The following LINGO2 variants were observed in gnomAD, a reference collection of about 807,000 sequenced individuals.
LINGO2 encodes the protein leucine rich repeat and Ig domain containing 2, also known as leucine-rich repeat and immunoglobulin-like domain-containing nogo receptor-interacting protein 2.
Under a neutral mutation model 30.6 loss-of-function variants are expected in LINGO2, and 14 were observed. The ratio of observed to expected loss-of-function variants is 0.46; its 90% CI spans 0.30 to 0.72. The LOEUF is 0.72. Among genes scored for constraint, LINGO2 ranks in the 30% least tolerant of loss-of-function variants. LINGO2 has a pLI of 0.07. For synonymous variants in LINGO2, 317 were observed against 288.5 expected, an observed-to-expected ratio of 1.10 and a Z score of -1.00; for missense variants, 729 against 751.7, an observed-to-expected ratio of 0.97 and a Z score of 0.35.
At chr9:28,052,500 C>T (rs966431421) in intron 4 of LINGO2, among the ~76,000 whole-genome samples, 2 of 151,976 alleles carry the variant, frequency 1.3e-5, no homozygotes, top group Non-Finnish European at 2.9e-5. Flanking sequence ...AGAGGTATAC[C>T]AGGCCATTTG....
intron 3 of LINGO2, among the ~76,000 whole-genome samples, chr9:28,334,520 G>A (rs1451441650): frequency 5.3e-5 from 8 of 152,094 alleles, no homozygotes; most frequent in African/African-American, 1.9e-4. Flanking sequence ...GGGTTTTTAT[G>A]AGGAAAAATG....
the LINGO2 span, among the ~76,000 whole-genome samples, chr9:29,103,506 A>C: frequency 1.3e-5 from 2 of 152,012 alleles, no homozygotes; most frequent in East Asian, 3.9e-4. Flanking sequence ...ATAATTTTAC[A>C]TTTAAGATTT....
intron 4 of LINGO2, among the ~76,000 whole-genome samples, chr9:28,177,949 C>G (rs1828793890): frequency 6.6e-6 from 1 of 152,088 alleles, no homozygotes; most frequent in African/African-American, 2.4e-5. Context: ...TTTTCTTTAG[C>G]AGGGGCTTTT....
the LINGO2 span, among the ~76,000 whole-genome samples, chr9:29,189,041 G>C: frequency 1.8e-5 from 2 of 113,526 alleles, no homozygotes; most frequent in Admixed American, 8.6e-5. Context: ...AGACGGGGCG[G>C]CTGGCCGGGC....
At chr9:28,523,819 G>A (rs796101097) in intron 1 of LINGO2, among the ~76,000 whole-genome samples, 4 of 150,564 alleles carry the variant, frequency 2.7e-5, no homozygotes, top group African/African-American at 9.7e-5. Context: ...TTGGATATCT[G>A]AATATTATTA....
intron 2 of LINGO2, among the ~76,000 whole-genome samples, chr9:28,473,395 C>CCT (rs377345454): frequency 8.1e-5 from 12 of 148,296 alleles, no homozygotes; most frequent in South Asian, 2.1e-4. Context: ...ATATCTAGAG[C>CCT]CTCTCTCTCT....
chr9:28,533,330 A>T (rs1382915542), intron 1 of LINGO2, among the ~76,000 whole-genome samples: 1 of 151,962 alleles, frequency 6.6e-6, no homozygotes, highest in Non-Finnish European at 1.5e-5. Flanking sequence ...CCACTTTTGA[A>T]GTTTGGGGAC....
chr9:28,589,061 C>T (rs1282081192), intron 1 of LINGO2, among the ~76,000 whole-genome samples: 2 of 152,172 alleles, frequency 1.3e-5, no homozygotes, highest in African/African-American at 4.8e-5. Context: ...ACATGATTAT[C>T]TCAACAGATG....
the LINGO2 span, among the ~76,000 whole-genome samples, chr9:29,060,793 G>A: frequency 1.3e-5 from 2 of 151,782 alleles, no homozygotes; most frequent in East Asian, 3.9e-4. Context: ...TAGCTGAATG[G>A]AGATAAAAGA....
chr9:29,041,871 A>T, the LINGO2 span, among the ~76,000 whole-genome samples: 3 of 152,006 alleles, frequency 2.0e-5, no homozygotes, highest in African/African-American at 4.8e-5. Flanking sequence ...CAAGATACAA[A>T]TTCTGAGAAA....
At chr9:28,559,394 C>A in intron 1 of LINGO2, among the ~76,000 whole-genome samples, 1 of 152,046 alleles carries the variant, frequency 6.6e-6, no homozygotes, top group East Asian at 1.9e-4. Flanking sequence ...AGAAACAATG[C>A]ATTTTGTTTT....
the LINGO2 span, among the ~76,000 whole-genome samples, chr9:29,067,431 T>TA: frequency 5.9e-5 from 9 of 151,760 alleles, no homozygotes; most frequent in African/African-American, 2.2e-4. Flanking sequence ...TAAACTCTTA[T>TA]AATTTCTTAA....
intron 4 of LINGO2, among the ~76,000 whole-genome samples, chr9:28,093,469 T>C (rs1826156709): frequency 1.3e-5 from 2 of 152,078 alleles, no homozygotes; most frequent in South Asian, 4.1e-4. Flanking sequence ...TTAAAGGAAG[T>C]CATTCATGGA....
At chr9:29,075,023 C>T in the LINGO2 span, among the ~76,000 whole-genome samples, 1 of 152,202 alleles carries the variant, frequency 6.6e-6, no homozygotes, top group African/African-American at 2.4e-5. Flanking sequence ...CATAAATACA[C>T]ATAATTTTAT....
the LINGO2 span, among the ~76,000 whole-genome samples, chr9:29,114,867 A>T: frequency 6.6e-6 from 1 of 152,106 alleles, no homozygotes; most frequent in Admixed American, 6.6e-5. Context: ...AAATTCCAGG[A>T]CACTCAGTTC....
At chr9:29,172,166 G>T in the LINGO2 span, among the ~76,000 whole-genome samples, 1 of 151,788 alleles carries the variant, frequency 6.6e-6, no homozygotes, top group African/African-American at 2.4e-5. Context: ...ATTTTTGACA[G>T]AATTATAAAA....
chr9:28,043,517 A>G (rs1484884808), intron 4 of LINGO2, among the ~76,000 whole-genome samples: 2 of 152,208 alleles, frequency 1.3e-5, no homozygotes, highest in Admixed American at 6.5e-5. Flanking sequence ...TTAATATTAG[A>G]AAAACAACAC....
chr9:27,979,383 C>T (rs1804545548), intron 5 of LINGO2, among the ~76,000 whole-genome samples: 1 of 151,842 alleles, frequency 6.6e-6, no homozygotes, highest in Admixed American at 6.6e-5. Flanking sequence ...AAAGGAAAGG[C>T]CTAGGGTTGG....
the LINGO2 span, among the ~76,000 whole-genome samples, chr9:28,711,548 T>G: frequency 6.6e-6 from 1 of 152,116 alleles, no homozygotes; most frequent in Non-Finnish European, 1.5e-5. Flanking sequence ...CAAAAAGAAC[T>G]GATATGTATT....
Sources: allele counts gnomAD v4.1 joint callset (sites outside exome capture counted in the v4.1 genomes callset), GRCh38; gene constraint gnomAD v4.1.1; transcripts MANE v1.5; gene names NCBI Gene and HGNC (gene_info 2026-07-23, HGNC 2026-07-21).